DPP10: variants seen among roughly 807,000 people sequenced by gnomAD.
DPP10 encodes the protein inactive dipeptidyl peptidase 10.
DPP10 carries 33 observed loss-of-function variants against 120.9 expected under a neutral mutation model. That is an observed-to-expected ratio of 0.27 (90% CI 0.21 to 0.37). The LOEUF (loss-of-function observed/expected upper bound fraction) is 0.37. DPP10 is among the 10% of genes least tolerant of loss of function. The pLI, the probability that DPP10 is intolerant of heterozygous loss-of-function variation, is 1.00. For synonymous variants in DPP10, 337 were observed against 326.1 expected (o/e 1.03, Z -0.36); for missense variants, 816 against 942.8 (o/e 0.87, Z 1.76).
chr2:115,391,163 C>T (rs2067290113), intron 3 of DPP10, among the ~76,000 whole-genome samples: 1 of 152,162 alleles, frequency 6.6e-6, no homozygotes, highest in Admixed American at 6.6e-5. Flanking sequence ...TCAACATAAT[C>T]ATTTTTGGAT....
intron 1 of DPP10, among the ~76,000 whole-genome samples, chr2:114,796,898 CCTT>C (rs1372457461): frequency 6.6e-5 from 10 of 152,150 alleles, no homozygotes; most frequent in Admixed American, 1.3e-4. Context: ...TGTGAAGTCA[CCTT>C]CTAAAAATTA....
intron 1 of DPP10, among the ~76,000 whole-genome samples, chr2:114,996,810 C>T (rs917261617): frequency 2.6e-5 from 4 of 151,594 alleles, no homozygotes; most frequent in African/African-American, 9.7e-5. Flanking sequence ...AGTGAAACTC[C>T]GTCTCTATAA....
chr2:115,484,360 A>T (rs146796475), intron 3 of DPP10, among the ~76,000 whole-genome samples: 1 of 152,108 alleles, frequency 6.6e-6, no homozygotes, highest in East Asian at 1.9e-4. Flanking sequence ...AACTTTGATC[A>T]TTTTCTGTCA....
At chr2:115,418,683 G>A (rs1369225589) in intron 3 of DPP10, among the ~76,000 whole-genome samples, 3 of 151,830 alleles carry the variant, frequency 2.0e-5, no homozygotes, top group African/African-American at 7.3e-5. Context: ...GAGGAAGGAG[G>A]ATCACTTGAG....
At chr2:114,580,075 G>A (rs1690375046) in intron 1 of DPP10, among the ~76,000 whole-genome samples, 1 of 152,204 alleles carries the variant, frequency 6.6e-6, no homozygotes, top group Non-Finnish European at 1.5e-5. Flanking sequence ...CAAACTTGAG[G>A]TTGCTCAAAC....
chr2:114,497,234 CGTATACATGTGTATGCATGTACGTGT>C (rs1682646772), intron 1 of DPP10, among the ~76,000 whole-genome samples: 1 of 103,014 alleles, frequency 9.7e-6, no homozygotes, highest in Non-Finnish European at 2.2e-5. Flanking sequence ...CATGTACGTG[CGTATACATGTGTATGCATGTACGTGT>C]GTATACATGT....
intron 1 of DPP10, among the ~76,000 whole-genome samples, chr2:114,451,525 A>G (rs1213801245): frequency 6.6e-6 from 1 of 152,102 alleles, no homozygotes; most frequent in Non-Finnish European, 1.5e-5. Context: ...ATTGATAAAG[A>G]AAGGGAAAGA....
At chr2:114,497,727 G>A (rs559030266) in intron 1 of DPP10, among the ~76,000 whole-genome samples, 13 of 152,220 alleles carry the variant, frequency 8.5e-5, no homozygotes, top group Middle Eastern at 6.8e-3. Context: ...AGTAAGTAGC[G>A]GATAGGATTC....
At chr2:114,698,869 T>C (rs1348566814) in intron 1 of DPP10, among the ~76,000 whole-genome samples, 1 of 152,156 alleles carries the variant, frequency 6.6e-6, no homozygotes, top group African/African-American at 2.4e-5. Context: ...ACTGTCTGTA[T>C]AGTCAGGCAC....
At chr2:114,453,871 G>A (rs13431515) in intron 1 of DPP10, among the ~76,000 whole-genome samples, 19,203 of 152,144 alleles carry the variant, frequency 0.13, 2,892 homozygotes, top group African/African-American at 0.36. Flanking sequence ...ACAAATGTTA[G>A]TTGGATATAC....
intron 1 of DPP10, among the ~76,000 whole-genome samples, chr2:114,451,614 G>A (rs1203473172): frequency 6.6e-6 from 1 of 152,078 alleles, no homozygotes; most frequent in East Asian, 1.9e-4. Context: ...TTTAATAGTT[G>A]AGACCAACTA....
chr2:115,640,398 C>G (rs1188551352), intron 5 of DPP10, among the ~76,000 whole-genome samples: 1 of 150,970 alleles, frequency 6.6e-6, no homozygotes, highest in Non-Finnish European at 1.5e-5. Context: ...TGACCTCTTC[C>G]ATCTTTATGT....
intron 1 of DPP10, among the ~76,000 whole-genome samples, chr2:115,143,662 A>G (rs2051050922): frequency 6.6e-6 from 1 of 152,214 alleles, no homozygotes; most frequent in Non-Finnish European, 1.5e-5. Context: ...GATCTTGCTG[A>G]GGATGGCCAT....
intron 1 of DPP10, among the ~76,000 whole-genome samples, chr2:114,604,540 C>A (rs1457372880): frequency 6.6e-6 from 1 of 152,116 alleles, no homozygotes; most frequent in Non-Finnish European, 1.5e-5. Flanking sequence ...TCCCTGCCTA[C>A]TAGAGAAGCC....
intron 5 of DPP10, among the ~76,000 whole-genome samples, chr2:115,597,430 C>T (rs1050584762): frequency 3.3e-5 from 5 of 151,742 alleles, no homozygotes; most frequent in Admixed American, 6.6e-5. Context: ...AGGAAGCAAA[C>T]GTAAGTACCA....
In DPP10 at chr2:115,836,167, G is replaced by C; in HGVS notation, c.1961G>C (p.Gly654Ala). 3.1e-6 allele frequency: 5 copies of C among 1,588,000 alleles called. No homozygotes were observed. The highest frequency in any genetic ancestry group is 4.3e-6 in the Non-Finnish European group (5 of 1,168,076). The change falls in exon 22 of 26, where the codon GGC (glycine) becomes GCC (alanine). Residue 654 changes from glycine (G) to alanine (A), a missense_variant. This residue lies in a region of DPP10 where 592 missense variants were observed against 649.0 expected (regional missense o/e 0.91). Coordinates refer to ENST00000410059, the MANE Select transcript of DPP10 (RefSeq NM_020868.6). ...ATTTTTCCCCCCCAGGGTTATGGTG[G>C]CTATATTGCATCAATGATCTTAAAA... Reference protein sequence around the residue: ...RLSIFGKGYGGYIASMILKSD... With the variant: ...RLSIFGKGYGAYIASMILKSD...
intron 1 of DPP10, among the ~76,000 whole-genome samples, chr2:114,609,142 G>A (rs1158784210): frequency 6.6e-6 from 1 of 152,152 alleles, no homozygotes; most frequent in African/African-American, 2.4e-5. Context: ...CAGGAAGTGA[G>A]AGTGAAGTTT....
At chr2:114,844,239 C>G (rs149779230) in intron 1 of DPP10, among the ~76,000 whole-genome samples, 1 of 152,068 alleles carries the variant, frequency 6.6e-6, no homozygotes, top group South Asian at 2.1e-4. Context: ...TTATTCTTCA[C>G]GCTTGATGTG....
At chr2:114,659,553 G>A (rs182318374) in intron 1 of DPP10, among the ~76,000 whole-genome samples, 3 of 151,616 alleles carry the variant, frequency 2.0e-5, no homozygotes, top group African/African-American at 7.3e-5. Context: ...CCAAATATTT[G>A]ATTTTTTCAG....
Sources: allele counts gnomAD v4.1 joint callset (sites outside exome capture counted in the v4.1 genomes callset), GRCh38; gene constraint gnomAD v4.1.1; regional missense constraint gnomAD v4.1.1; transcripts MANE v1.5; gene names NCBI Gene and HGNC (gene_info 2026-07-23, HGNC 2026-07-21).